USP31: variants seen among roughly 807,000 people sequenced by gnomAD.
USP31 encodes ubiquitin carboxyl-terminal hydrolase 31.
In USP31, 44 loss-of-function variants were observed where a neutral mutation model predicts 119.4. That is an observed-to-expected ratio of 0.37 (90% CI 0.29 to 0.47). The LOEUF (loss-of-function observed/expected upper bound fraction) is 0.47. USP31 is among the 20% of genes least tolerant of loss of function. USP31 has a pLI of 0.99. For synonymous variants in USP31, 749 were observed against 705.6 expected, an observed-to-expected ratio of 1.06 and a Z score of -0.97; for missense variants, 1,643 against 1,730.2, an observed-to-expected ratio of 0.95 and a Z score of 0.89.
At chr16:23,072,352 G>A (rs754581178) in intron 14 of USP31, 155 bp from the exon 15 acceptor site, 124 of 996,458 alleles carry the variant, frequency 1.2e-4, no homozygotes, top group Non-Finnish European at 1.6e-4. Context: ...GTGTCATGTC[G>A]TGCCTGTCCG....
rs552572118 is a variant in USP31, at chr16:23,064,188, CTAGT to C, written c.*3854_*3857del. On this transcript the variant is annotated 3_prime_UTR_variant, in exon 16 of 16. Transcript: ENST00000219689. ...ATTTCAAAAATCCAACCCAGAAACA[CTAGT>C]TAAATCTTTGTATCCAATAATTATA... is the stretch of plus-strand genomic sequence containing the variant. 7 of 152,724 alleles carry C rather than the reference CTAGT, an allele frequency of 4.6e-5. No homozygotes were observed. In the East Asian group the frequency reaches 1.4e-3, roughly 29 times the overall value. 9.5% of individuals were successfully genotyped at this position (152,724 alleles called of 1,614,324 possible).
intron 1 of USP31, among the ~76,000 whole-genome samples, chr16:23,142,000 C>G (rs917156668): frequency 2.0e-5 from 3 of 152,368 alleles, no homozygotes; most frequent in East Asian, 3.9e-4. Context: ...CAACTTAAAA[C>G]AGCTTCTCTA....
In USP31 at chr16:23,087,206, A is replaced by C; in HGVS notation, c.1528-20T>G. The C allele has an allele frequency of 2.5e-6, 4 of 1,604,014 alleles. No individual in the cohort carries two copies. The highest frequency in any genetic ancestry group is 2.5e-6 in the Non-Finnish European group (3 of 1,176,518). On this transcript the variant is annotated intron_variant, in intron 8 of 15. Transcript: ENST00000219689. ...ACACACCTGCATCAGATGTTAGATG[A>C]GAATTAAGCCAAATTTTTCTTCAAG... is the stretch of plus-strand genomic sequence containing the variant.
At chr16:23,093,849 G>A (rs894540328) in intron 6 of USP31, among the ~76,000 whole-genome samples, 21 of 152,184 alleles carry the variant, frequency 1.4e-4, no homozygotes, top group African/African-American at 4.1e-4. Flanking sequence ...AATACTGTTC[G>A]GCCATTAAAA....
intron 7 of USP31, 105 bp from the exon 8 acceptor site, chr16:23,087,940 T>C: frequency 1.1e-6 from 1 of 910,878 alleles, no homozygotes; most frequent in Non-Finnish European, 1.7e-6. Context: ...TATAATTGGC[T>C]TTAGGACAGT....
At chr16:23,145,605 T>C (rs926256507) in intron 1 of USP31, among the ~76,000 whole-genome samples, 2 of 152,208 alleles carry the variant, frequency 1.3e-5, no homozygotes, top group African/African-American at 4.8e-5. Context: ...CTGGGTAGAA[T>C]GCCAGGTGCA....
chr16:23,069,759 G>A, intron 15 of USP31, 143 bp from the exon 16 acceptor site: 2 of 1,122,200 alleles, frequency 1.8e-6, no homozygotes, highest in African/African-American at 1.6e-5. Flanking sequence ...TGGGATCAAG[G>A]AGTCCCTGTG....
intron 1 of USP31, among the ~76,000 whole-genome samples, chr16:23,139,553 C>T (rs1903293282): frequency 6.6e-6 from 1 of 152,194 alleles, no homozygotes; most frequent in East Asian, 1.9e-4. Flanking sequence ...TCTGACTGCC[C>T]CTTAAGAGGT....
chr16:23,106,340 A>C, intron 3 of USP31, 35 bp from the exon 4 acceptor site: 1 of 1,613,892 alleles, frequency 6.2e-7, no homozygotes, highest in Non-Finnish European at 8.5e-7. Flanking sequence ...TTGACATTAA[A>C]ATCACCCAGA....
At chr16:23,108,455 A>G (rs1902197264) in intron 1 of USP31, among the ~76,000 whole-genome samples, 1 of 152,238 alleles carries the variant, frequency 6.6e-6, no homozygotes, top group African/African-American at 2.4e-5. Context: ...TTCTAAGAAA[A>G]TATTAATCAA....
intron 5 of USP31, 129 bp downstream of exon 5, chr16:23,105,312 A>T: frequency 8.2e-7 from 1 of 1,223,998 alleles, no homozygotes; most frequent in Non-Finnish European, 1.1e-6. Flanking sequence ...TTTTTTCCCT[A>T]AACTCTAAAT....
At chr16:23,089,918 A>G (rs1901276908) in intron 7 of USP31, among the ~76,000 whole-genome samples, 1 of 152,214 alleles carries the variant, frequency 6.6e-6, no homozygotes, top group Non-Finnish European at 1.5e-5. Flanking sequence ...CTTGGGACAT[A>G]AGACATAAGT....
At chr16:23,121,230 C>T (rs543007041) in intron 1 of USP31, among the ~76,000 whole-genome samples, 1 of 152,168 alleles carries the variant, frequency 6.6e-6, no homozygotes, top group Non-Finnish European at 1.5e-5. Context: ...GAGACGCTTG[C>T]AAGTCACAGA....
rs1202576406 is a variant in USP31 at position 23,066,089 on chromosome 16, T to G, written c.*1957A>C. On this transcript the variant is annotated 3_prime_UTR_variant, in exon 16 of 16. Transcript: ENST00000219689. ...ATCGAAGGCAGCCAGTTGCCGCAGA[T>G]GTACTGAGCAGATGAGAGTGGTACT... is the stretch of plus-strand genomic sequence containing the variant. 6.6e-6 allele frequency: 1 copy of G among 152,234 alleles called. No individual in the cohort carries two copies. Among genetic ancestry groups the G allele is most frequent in the African/African-American group, 2.4e-5 (1 of 41,450 alleles). The allele number at this position is 152,234 out of a possible 1,614,324, so 9.4% of individuals were successfully genotyped here.
intron 6 of USP31, among the ~76,000 whole-genome samples, chr16:23,093,160 C>T (rs541957180): frequency 6.6e-6 from 1 of 151,970 alleles, no homozygotes; most frequent in East Asian, 1.9e-4. Flanking sequence ...AAATTATGAG[C>T]AACAAAAGAA....
chr16:23,109,398 GAATA>G (rs1567239157), intron 1 of USP31, among the ~76,000 whole-genome samples: 1 of 151,930 alleles, frequency 6.6e-6, no homozygotes, highest in Non-Finnish European at 1.5e-5. Context: ...CTGATCAACA[GAATA>G]AACAATATTG....
chr16:23,135,166 A>G (rs1903152172), intron 1 of USP31, among the ~76,000 whole-genome samples: 1 of 151,546 alleles, frequency 6.6e-6, no homozygotes, highest in Admixed American at 6.6e-5. Context: ...CACTCAACAA[A>G]TTGGGAATAC....
intron 5 of USP31, among the ~76,000 whole-genome samples, chr16:23,104,211 G>A (rs558415324): frequency 6.6e-5 from 10 of 152,094 alleles, no homozygotes; most frequent in East Asian, 3.9e-4. Context: ...AAAAGGGGTC[G>A]GTGGTATATT....
chr16:23,090,659 C>T lies in USP31; in HGVS notation c.1380G>A (p.Val460=). Residue 460 remains valine (V), a synonymous_variant, in exon 7 of 16, where the codon GTG becomes GTA. Transcript: ENST00000219689. ...RAGSDKIVLL[V]CNRACTGQQG... ...GTTGCCCAGTGCAGGCTCGGTTACACACCAACAGGACAATCTTGTCGCTGC... is the reference window on the plus strand; with the variant it reads ...GTTGCCCAGTGCAGGCTCGGTTACATACCAACAGGACAATCTTGTCGCTGC... 1 of 1,613,878 alleles carries T rather than the reference C, an allele frequency of 6.2e-7. No individual in the cohort carries two copies. Among genetic ancestry groups the T allele is most frequent in the Non-Finnish European group, 8.5e-7 (1 of 1,179,804 alleles).
Sources: allele counts gnomAD v4.1 joint callset (sites outside exome capture counted in the v4.1 genomes callset), GRCh38; gene constraint gnomAD v4.1.1; transcripts MANE v1.5; gene names NCBI Gene and HGNC (gene_info 2026-07-23, HGNC 2026-07-21).